Variants in PLXNA4 observed in about 807,000 individuals in gnomAD.
The protein encoded by PLXNA4 is plexin A4, also known as plexin-A4.
A neutral mutation model predicts 191.8 loss-of-function variants in PLXNA4; 44 were observed. That is an observed-to-expected ratio of 0.23 (90% CI 0.18 to 0.29). The LOEUF (loss-of-function observed/expected upper bound fraction) is 0.29. PLXNA4 is among the 10% of genes least tolerant of loss of function. The pLI is 1.00. For synonymous variants in PLXNA4, 1,082 were observed against 1,009.5 expected (o/e 1.07, Z -1.36); for missense variants, 1,800 against 2,488.8 (o/e 0.72, Z 5.89).
intron 3 of PLXNA4, chr7:132,485,013 A>C: frequency 6.2e-7 from 1 of 1,610,760 alleles, no homozygotes; most frequent in Non-Finnish European, 8.5e-7. Context: ...GTGCCGAAGG[A>C]CTAGGGAACA....
At chr7:132,225,616 GC>G (rs35219127) in intron 8 of PLXNA4, among the ~76,000 whole-genome samples, 7 of 149,838 alleles carry the variant, frequency 4.7e-5, no homozygotes, top group East Asian at 3.9e-4. Flanking sequence ...GCCAGAGTCC[GC>G]CCCCCCCCAC....
At chr7:132,174,276 G>T (rs1390621102) in intron 21 of PLXNA4, among the ~76,000 whole-genome samples, 1 of 152,132 alleles carries the variant, frequency 6.6e-6, no homozygotes, top group Non-Finnish European at 1.5e-5. Context: ...AAAAGATGAG[G>T]TCCCTGCTGG....
chr7:132,290,896 G>A (rs1383956158), intron 4 of PLXNA4, among the ~76,000 whole-genome samples: 1 of 152,216 alleles, frequency 6.6e-6, no homozygotes, highest in African/African-American at 2.4e-5. Context: ...CCATATCCAG[G>A]CTACAGAACT....
At chr7:132,157,125 A>G (rs1225790726) in intron 25 of PLXNA4, among the ~76,000 whole-genome samples, 1 of 152,202 alleles carries the variant, frequency 6.6e-6, no homozygotes, top group Non-Finnish European at 1.5e-5. Flanking sequence ...ATGTGATGGC[A>G]GAGGGATCCT....
chr7:132,250,003 T>C (rs7792482), intron 4 of PLXNA4, among the ~76,000 whole-genome samples: 69,874 of 151,988 alleles, frequency 0.46, 17,389 homozygotes, highest in East Asian at 0.75. Flanking sequence ...GGGAGAAAAA[T>C]AGAGTTTGAA....
Position 132,340,811 on chromosome 7 carries a change from G to C in PLXNA4, c.1372-42589C>G, listed in dbSNP as rs549876916. On this transcript the variant is annotated intron_variant, in intron 3 of 31. Coordinates refer to ENST00000321063, the MANE Select transcript of PLXNA4 (RefSeq NM_020911.2). ...TTGTGCCTCAGTCTCCTGAGTAGCT[G>C]GGATTACAGACATGTGCCACCACGC... Among the ~76,000 whole-genome samples, 5 of 152,302 alleles carry C rather than the reference G, an allele frequency of 3.3e-5. No homozygotes were observed. In the South Asian group the frequency reaches 1.0e-3, roughly 32 times the overall value.
chr7:132,222,216 C>T (rs573785623), intron 9 of PLXNA4, among the ~76,000 whole-genome samples: 9 of 152,228 alleles, frequency 5.9e-5, no homozygotes, highest in Non-Finnish European at 1.0e-4. Context: ...CATCAGGATT[C>T]GGGCAAAACG....
chr7:132,389,168 C>G (rs572582045), intron 3 of PLXNA4, among the ~76,000 whole-genome samples: 2 of 152,242 alleles, frequency 1.3e-5, no homozygotes, highest in African/African-American at 4.8e-5. Flanking sequence ...GATACTAGCC[C>G]TTTGTCAGAT....
intron 3 of PLXNA4, among the ~76,000 whole-genome samples, chr7:132,307,026 G>C (rs937180302): frequency 2.0e-5 from 3 of 152,104 alleles, no homozygotes; most frequent in Non-Finnish European, 2.9e-5. Flanking sequence ...TTGTGGAAGA[G>C]CTGCCTAGTT....
At chr7:132,148,412 C>T (rs1795497727) in intron 26 of PLXNA4, 131 bp downstream of exon 26, 4 of 1,349,804 alleles carry the variant, frequency 3.0e-6, no homozygotes, top group Non-Finnish European at 2.0e-6. Flanking sequence ...CACCAATTTC[C>T]TCTGGATCAC....
chr7:132,405,394 C>T (rs1240483033), intron 3 of PLXNA4, among the ~76,000 whole-genome samples: 2 of 152,262 alleles, frequency 1.3e-5, no homozygotes, highest in South Asian at 2.1e-4. Flanking sequence ...GGACTCACCA[C>T]GAGATGCTGA....
At chr7:132,333,034 C>T (rs867576892) in intron 3 of PLXNA4, among the ~76,000 whole-genome samples, 16 of 152,168 alleles carry the variant, frequency 1.1e-4, no homozygotes, top group African/African-American at 2.9e-4. Context: ...TGTTTACAAC[C>T]CACTAAACTG....
intron 10 of PLXNA4, among the ~76,000 whole-genome samples, chr7:132,209,573 A>C (rs1797730400): frequency 6.6e-6 from 1 of 152,108 alleles, no homozygotes; most frequent in Non-Finnish European, 1.5e-5. Context: ...ACAGGATGCC[A>C]TGGGGACAAC....
chr7:132,500,946 G>A (rs1053204889), intron 2 of PLXNA4, among the ~76,000 whole-genome samples: 1 of 152,164 alleles, frequency 6.6e-6, no homozygotes, highest in Non-Finnish European at 1.5e-5. Flanking sequence ...CCAGTAACCC[G>A]GCCAAGACGC....
intron 3 of PLXNA4, among the ~76,000 whole-genome samples, chr7:132,359,481 TG>T (rs1345529336): frequency 2.6e-5 from 4 of 152,108 alleles, no homozygotes; most frequent in Non-Finnish European, 4.4e-5. Context: ...TCTCCCAAAG[TG>T]CTGGGATTAC....
chr7:132,588,457 G>A (rs1196799006), intron 2 of PLXNA4, among the ~76,000 whole-genome samples: 2 of 151,916 alleles, frequency 1.3e-5, no homozygotes, highest in African/African-American at 4.8e-5. Flanking sequence ...ACTGCAATCA[G>A]TATTATCAAC....
intron 3 of PLXNA4, among the ~76,000 whole-genome samples, chr7:132,457,786 A>G (rs2117338899): frequency 6.6e-6 from 1 of 152,342 alleles, no homozygotes; most frequent in South Asian, 2.1e-4. Context: ...GTGTGAAGAC[A>G]GAGGAAAGAG....
At chr7:132,228,556 C>T in intron 5 of PLXNA4, 87 bp from the exon 6 acceptor site, 2 of 1,551,098 alleles carry the variant, frequency 1.3e-6, no homozygotes, top group Non-Finnish European at 1.8e-6. Flanking sequence ...TTTCCAGCAG[C>T]TCCCAGGATG....
intron 2 of PLXNA4, among the ~76,000 whole-genome samples, chr7:132,626,732 A>G (rs1008859174): frequency 2.6e-5 from 4 of 152,082 alleles, no homozygotes; most frequent in African/African-American, 9.7e-5. Context: ...ATTTCCTTAT[A>G]TCAATGCAAG....
Sources: allele counts gnomAD v4.1 joint callset (sites outside exome capture counted in the v4.1 genomes callset), GRCh38; gene constraint gnomAD v4.1.1; transcripts MANE v1.5; gene names NCBI Gene and HGNC (gene_info 2026-07-23, HGNC 2026-07-21).